SRSF4: variants seen among roughly 807,000 people sequenced by gnomAD.
The protein encoded by SRSF4 is serine/arginine-rich splicing factor 4.
Under a neutral mutation model 48.8 loss-of-function variants are expected in SRSF4, and 12 were observed. The ratio of observed to expected loss-of-function variants is 0.25; its 90% CI spans 0.16 to 0.40. The LOEUF (loss-of-function observed/expected upper bound fraction) is 0.40. SRSF4 is among the 10% of genes least tolerant of loss of function. SRSF4 has a pLI of 1.00. For missense variants in SRSF4, 466 were observed against 667.1 expected (o/e 0.70, Z 3.32); for synonymous variants, 248 against 232.5 (o/e 1.07, Z -0.61).
chr1:29,151,094 C>A (rs762293321), intron 4 of SRSF4, among the ~76,000 whole-genome samples: 17 of 152,084 alleles, frequency 1.1e-4, no homozygotes, highest in Non-Finnish European at 2.2e-4. Flanking sequence ...TGACTCCAGG[C>A]GTAAAGCAGG....
chr1:29,176,428 C>G (rs530077607), intron 1 of SRSF4, among the ~76,000 whole-genome samples: 4 of 149,802 alleles, frequency 2.7e-5, no homozygotes, highest in Non-Finnish European at 5.9e-5. Flanking sequence ...ATTAAGAATA[C>G]GGTAACGATG....
At chr1:29,174,672 T>C (rs368191034) in intron 1 of SRSF4, among the ~76,000 whole-genome samples, 3 of 145,380 alleles carry the variant, frequency 2.1e-5, no homozygotes, top group South Asian at 4.4e-4. Context: ...GTGCAGGAGA[T>C]AGGTTTTTTT....
chr1:29,153,600 A>ATTT (rs113402257), intron 4 of SRSF4, among the ~76,000 whole-genome samples: 3 of 133,056 alleles, frequency 2.3e-5, no homozygotes, highest in Admixed American at 7.6e-5. Context: ...TCTGATTTCC[A>ATTT]TTTTTTTTTT....
At chr1:29,173,881 G>A (rs952127203) in intron 1 of SRSF4, among the ~76,000 whole-genome samples, 3 of 151,560 alleles carry the variant, frequency 2.0e-5, no homozygotes, top group African/African-American at 7.3e-5. Flanking sequence ...ATAATAAAGG[G>A]CACTGTTCAG....
At chr1:29,160,565 G>C (rs1672578765) in intron 1 of SRSF4, 48 bp from the exon 2 acceptor site, 1 of 1,548,692 alleles carries the variant, frequency 6.5e-7, no homozygotes, top group Non-Finnish European at 8.7e-7. Flanking sequence ...TTGACATCCA[G>C]CTTCACTAAC....
intron 3 of SRSF4, among the ~76,000 whole-genome samples, chr1:29,155,388 G>A (rs1672484687): frequency 1.3e-5 from 2 of 152,148 alleles, no homozygotes; most frequent in South Asian, 4.1e-4. Flanking sequence ...CCGTGATCAT[G>A]CCACTGCACT....
At chr1:29,160,350 A>T in intron 2 of SRSF4, 25 bp downstream of exon 2, 1 of 1,592,872 alleles carries the variant, frequency 6.3e-7, no homozygotes, top group South Asian at 1.1e-5. Flanking sequence ...CGTTACTGAT[A>T]AAAGTATGCC....
intron 3 of SRSF4, among the ~76,000 whole-genome samples, chr1:29,156,446 G>T (rs1672500893): frequency 6.6e-6 from 1 of 151,678 alleles, no homozygotes; most frequent in South Asian, 2.1e-4. Flanking sequence ...CATACATTGT[G>T]CCAGAAACTG....
Position 29,148,839 on chromosome 1 carries a change from G to C in SRSF4, c.1056C>G (p.Asp352Glu). Residue 352 changes from aspartate (D) to glutamate (E), a missense_variant, in exon 6 of 6, where the codon GAC becomes GAG. This residue lies in a region of SRSF4 where 402 missense variants were observed against 437.0 expected (regional missense o/e 0.92). Transcript: ENST00000373795. ...SRSRSRSKSKDKRKGRKRSRE... is the reference protein window; with the variant it reads ...SRSRSRSKSKEKRKGRKRSRE... ...TGCTTCTCTTCCTGCCCTTCCTCTT[G>C]TCCTTGCTCTTGCTGCGGCTCCTGC... 1 of 1,608,098 alleles carries C rather than the reference G, an allele frequency of 6.2e-7. No individual in the cohort carries two copies. Among genetic ancestry groups the C allele is most frequent in the Non-Finnish European group, 8.5e-7 (1 of 1,176,506 alleles).
At chr1:29,160,325 A>T (rs760355149) in intron 2 of SRSF4, 50 bp downstream of exon 2, 1 of 1,534,206 alleles carries the variant, frequency 6.5e-7, no homozygotes, top group Non-Finnish European at 8.8e-7. Flanking sequence ...AAAAATTAGC[A>T]TGATAACAAA....
chr1:29,170,614 G>A (rs945271276), intron 1 of SRSF4: 2 of 152,142 alleles, frequency 1.3e-5, no homozygotes, highest in Non-Finnish European at 2.9e-5. Flanking sequence ...ATTAGTGGAT[G>A]CCACTAATTA....
At chr1:29,168,768 C>T (rs1462657163) in intron 1 of SRSF4, 1 of 152,148 alleles carries the variant, frequency 6.6e-6, no homozygotes, top group African/African-American at 2.4e-5. Context: ...AAGATGAAGA[C>T]TTGGATCTAG....
chr1:29,169,048 T>C, intron 1 of SRSF4: 1 of 152,370 alleles, frequency 6.6e-6, no homozygotes, highest in Non-Finnish European at 1.5e-5. Context: ...TGCAGCCCAC[T>C]AGGACTCTTC....
chr1:29,160,237 CAT>C (rs1303591272), intron 2 of SRSF4, 136 bp downstream of exon 2: 1 of 1,036,984 alleles, frequency 9.6e-7, no homozygotes, highest in Non-Finnish European at 1.3e-6. Context: ...TGTAATTCTA[CAT>C]TTTTAAAAAA....
chr1:29,168,010 T>TC (rs1483350144), intron 1 of SRSF4, among the ~76,000 whole-genome samples: 2 of 117,374 alleles, frequency 1.7e-5, no homozygotes, highest in East Asian at 4.6e-4. Flanking sequence ...AGGTTCTAAT[T>TC]CCTTTTTTTT....
Position 29,148,868 on chromosome 1 carries a change from G to GGCTCCTGCTGCCCCCTTT in SRSF4, c.1009_1026dup (p.Lys337_Ser342dup). Reference sequence around the variant, plus strand: ...TTGCTCTTGCTGCGGCTCCTGCTCCGGCTCCTGCTGCCCCCTTTGCTCCTG... The same window carrying GGCTCCTGCTGCCCCCTTT: ...TTGCTCTTGCTGCGGCTCCTGCTCCGGCTCCTGCTGCCCCCTTTGCTCCTGCTGCCCCCTTTGCTCCTG... On this transcript the variant is annotated inframe_insertion, in exon 6 of 6. Transcript: ENST00000373795. 2 of 1,601,064 alleles carry GGCTCCTGCTGCCCCCTTT rather than the reference G, an allele frequency of 1.2e-6. No homozygotes were observed. The highest frequency in any genetic ancestry group is 1.7e-6 in the Non-Finnish European group (2 of 1,171,530).
At position 29,179,590 on chromosome 1, in the gene SRSF4, C is replaced by T. The variant is rs1672923517; in HGVS notation, c.107+2056G>A. Among the ~76,000 whole-genome samples the T allele has an allele frequency of 2.0e-5, 3 of 152,304 alleles. No individual in the cohort carries two copies. In the South Asian group the frequency reaches 6.2e-4, roughly 32 times the overall value. On this transcript the variant is annotated intron_variant, in intron 1 of 5. Coordinates refer to ENST00000373795, the MANE Select transcript of SRSF4 (RefSeq NM_005626.5). The stretch of plus-strand genomic sequence containing the variant: ...TCTCAAACTCCTGGCCTGAAGTAAT[C>T]TTCACACTTCAGCTGGGATTGCAGG...
intron 4 of SRSF4, among the ~76,000 whole-genome samples, chr1:29,154,256 G>A (rs752622761): frequency 3.9e-5 from 6 of 152,092 alleles, no homozygotes; most frequent in Non-Finnish European, 5.9e-5. Flanking sequence ...GTAGAGACAA[G>A]ATTTCGCCAT....
At chr1:29,162,844 T>A (rs1235191500) in intron 1 of SRSF4, among the ~76,000 whole-genome samples, 2 of 152,028 alleles carry the variant, frequency 1.3e-5, no homozygotes, top group Non-Finnish European at 2.9e-5. Context: ...GCAGAGGGGG[T>A]GGTCACAGAA....
Sources: allele counts gnomAD v4.1 joint callset (sites outside exome capture counted in the v4.1 genomes callset), GRCh38; gene constraint gnomAD v4.1.1; regional missense constraint gnomAD v4.1.1; transcripts MANE v1.5; gene names NCBI Gene and HGNC (gene_info 2026-07-23, HGNC 2026-07-21).